The following WDR49 variants were observed in gnomAD, a reference collection of about 807,000 sequenced individuals.
WDR49 encodes the protein cilia- and flagella-associated protein 337.
A neutral mutation model predicts 119.5 loss-of-function variants in WDR49; 107 were observed. The observed-to-expected ratio is 0.90, with a 90% CI of 0.77 to 1.05. WDR49 has a LOEUF of 1.05. Among genes scored for constraint, WDR49 ranks in the 50% least tolerant of loss-of-function variants. The probability of loss-of-function intolerance (pLI) is 0.00; values close to 1 mark genes in which losing one functional copy is unlikely to be tolerated. For synonymous variants in WDR49, 425 were observed against 418.8 expected, an observed-to-expected ratio of 1.01 and a Z score of -0.18; for missense variants, 1,240 against 1,220.5, an observed-to-expected ratio of 1.02 and a Z score of -0.24.
intron 11 of WDR49, among the ~76,000 whole-genome samples, chr3:167,536,572 C>G (rs1360026322): frequency 1.3e-5 from 2 of 151,356 alleles, no homozygotes; most frequent in Non-Finnish European, 2.9e-5. Context: ...CCCAGCTACT[C>G]AGGAGGCTGA....
intron 10 of WDR49, among the ~76,000 whole-genome samples, chr3:167,537,211 A>G (rs1711519118): frequency 6.6e-6 from 1 of 152,178 alleles, no homozygotes; most frequent in Admixed American, 6.6e-5. Flanking sequence ...ATTTTTGACA[A>G]TAGAAGGTTA....
At chr3:167,650,948 G>A (rs1434611247) in intron 2 of WDR49, among the ~76,000 whole-genome samples, 2 of 152,028 alleles carry the variant, frequency 1.3e-5, no homozygotes, top group African/African-American at 2.4e-5. Context: ...TAGCAAAGCC[G>A]GGATTTAAGC....
At chr3:167,603,970 C>A (rs895371779) in intron 6 of WDR49, among the ~76,000 whole-genome samples, 1 of 151,864 alleles carries the variant, frequency 6.6e-6, no homozygotes, top group Non-Finnish European at 1.5e-5. Context: ...TTGGGTGGAG[C>A]ATTTGGTGGT....
Position 167,527,990 on chromosome 3 carries a change from T to C in WDR49, c.2434A>G (p.Lys812Glu). 6.2e-7 allele frequency: 1 copy of C among 1,613,108 alleles called. No individual in the cohort carries two copies. The highest frequency in any genetic ancestry group is 2.2e-5 in the East Asian group (1 of 44,810). The part of the protein sequence containing the change: ...EEYCLNSSKN[K>E]ITKAPTLIRS... ...ATCAGAGTTGGGGCCTTGGTGATTT[T>C]GTTCTTACTGGAGTTAAGACAGTAC... The change falls in exon 15 of 19, where the codon AAA (lysine) becomes GAA (glutamate). Residue 812 changes from lysine (K) to glutamate (E), a missense_variant. Transcript: ENST00000682715.
At chr3:167,606,423 TTCC>T (rs1467604029) in intron 5 of WDR49, among the ~76,000 whole-genome samples, 2 of 152,194 alleles carry the variant, frequency 1.3e-5, no homozygotes, top group African/African-American at 4.8e-5. Flanking sequence ...CTTCACCTGC[TTCC>T]TCAAGTGGTT....
At chr3:167,629,014 T>C (rs542479845) in intron 2 of WDR49, among the ~76,000 whole-genome samples, 1 of 152,204 alleles carries the variant, frequency 6.6e-6, no homozygotes, top group East Asian at 1.9e-4. Flanking sequence ...TCCCAGAACT[T>C]TGGGAGACTG....
intron 18 of WDR49, among the ~76,000 whole-genome samples, chr3:167,487,058 C>A (rs1363351119): frequency 6.6e-6 from 1 of 151,990 alleles, no homozygotes; most frequent in African/African-American, 2.4e-5. Flanking sequence ...AAATAAAGAG[C>A]CCAAATAGCT....
At chr3:167,645,974 G>A (rs140804205) in intron 2 of WDR49, among the ~76,000 whole-genome samples, 1 of 152,290 alleles carries the variant, frequency 6.6e-6, no homozygotes, top group East Asian at 1.9e-4. Flanking sequence ...CTTTCCTAAG[G>A]CAGTGGTATT....
intron 2 of WDR49, among the ~76,000 whole-genome samples, chr3:167,631,461 G>A (rs1369135889): frequency 1.3e-5 from 2 of 151,902 alleles, no homozygotes; most frequent in Non-Finnish European, 2.9e-5. Context: ...TGTCTGAGAA[G>A]GACCATTGAA....
chr3:167,555,168 G>T (rs1186411422), intron 9 of WDR49, among the ~76,000 whole-genome samples: 1 of 152,140 alleles, frequency 6.6e-6, no homozygotes, highest in Non-Finnish European at 1.5e-5. Flanking sequence ...GGAGCAGAGA[G>T]AAGTTTAAAG....
At chr3:167,641,600 C>G (rs1486782111) in intron 2 of WDR49, among the ~76,000 whole-genome samples, 3 of 151,918 alleles carry the variant, frequency 2.0e-5, no homozygotes, top group Non-Finnish European at 2.9e-5. Flanking sequence ...TCCTATTTCT[C>G]TTCTGGATAT....
At chr3:167,535,351 T>TA (rs1752984322) in intron 11 of WDR49, among the ~76,000 whole-genome samples, 1 of 152,090 alleles carries the variant, frequency 6.6e-6, no homozygotes, top group African/African-American at 2.4e-5. Flanking sequence ...TCTGATAGTA[T>TA]AAGGGGTTAA....
At chr3:167,606,643 T>C (rs961244522) in intron 5 of WDR49, among the ~76,000 whole-genome samples, 1 of 151,822 alleles carries the variant, frequency 6.6e-6, no homozygotes, top group Non-Finnish European at 1.5e-5. Context: ...GGGACCAGAG[T>C]AGAGCTGGTT....
intron 15 of WDR49, among the ~76,000 whole-genome samples, chr3:167,524,798 G>T (rs1043361817): frequency 6.6e-6 from 1 of 152,070 alleles, no homozygotes; most frequent in African/African-American, 2.4e-5. Context: ...ATGCTGTTTT[G>T]GTTACTGTAG....
At chr3:167,625,444 A>T (rs909594367) in intron 3 of WDR49, among the ~76,000 whole-genome samples, 1 of 152,060 alleles carries the variant, frequency 6.6e-6, no homozygotes, top group African/African-American at 2.4e-5. Flanking sequence ...ATATTAGAAA[A>T]CCAGCTCATT....
chr3:167,642,715 G>T (rs1040659094), intron 2 of WDR49, among the ~76,000 whole-genome samples: 41 of 151,912 alleles, frequency 2.7e-4, no homozygotes, highest in Non-Finnish European at 1.0e-4. Context: ...TGGAACTGGG[G>T]ATCCCTGGAG....
At chr3:167,607,322 G>A (rs187327354) in intron 5 of WDR49, among the ~76,000 whole-genome samples, 2 of 152,284 alleles carry the variant, frequency 1.3e-5, no homozygotes, top group African/African-American at 2.4e-5. Context: ...CTTTGCTCCT[G>A]AGGCTGCTTC....
At chr3:167,616,397 A>AATCTAAAAAT (rs1329204216) in intron 5 of WDR49, among the ~76,000 whole-genome samples, 4 of 152,252 alleles carry the variant, frequency 2.6e-5, no homozygotes, top group African/African-American at 9.6e-5. Flanking sequence ...ACAATAGGCA[A>AATCTAAAAAT]AGTAGAACTG....
At chr3:167,515,348 A>C (rs1752157766) in intron 16 of WDR49, among the ~76,000 whole-genome samples, 1 of 152,314 alleles carries the variant, frequency 6.6e-6, no homozygotes, top group African/African-American at 2.4e-5. Flanking sequence ...TAAATCAATA[A>C]ACGTAATTCA....
Sources: gnomAD v4.1 joint callset for allele counts (sites outside exome capture counted in the v4.1 genomes callset) on GRCh38, gnomAD v4.1.1 for gene constraint, MANE v1.5 for transcripts, NCBI Gene and HGNC (gene_info 2026-07-23, HGNC 2026-07-21) for gene names.